The following MOB3B variants were observed in gnomAD, a reference collection of about 807,000 sequenced individuals.
The protein encoded by MOB3B is MOB kinase activator-like 2B.
MOB3B carries 7 observed loss-of-function variants against 18.7 expected under a neutral mutation model. The ratio of observed to expected loss-of-function variants is 0.37; its 90% CI spans 0.21 to 0.70. The LOEUF (loss-of-function observed/expected upper bound fraction) is 0.70, where lower values mean the gene tolerates loss of function less well. MOB3B is among the 30% of genes least tolerant of loss of function. The pLI is 0.52. For missense variants in MOB3B, 253 were observed against 281.3 expected (o/e 0.90, Z 0.72); for synonymous variants, 111 against 99.9 (o/e 1.11, Z -0.66).
intron 1 of MOB3B, among the ~76,000 whole-genome samples, chr9:27,518,594 C>T (rs933668561): frequency 6.6e-6 from 1 of 152,146 alleles, no homozygotes; most frequent in African/African-American, 2.4e-5. Flanking sequence ...ATCAGGGATT[C>T]TTTTCCAACA....
chr9:27,370,476 C>T (rs1054651613), intron 2 of MOB3B, among the ~76,000 whole-genome samples: 3 of 149,968 alleles, frequency 2.0e-5, no homozygotes, highest in Admixed American at 6.6e-5. Flanking sequence ...CCATTGCACT[C>T]CAGACTGGGC....
intron 2 of MOB3B, among the ~76,000 whole-genome samples, chr9:27,431,170 A>T (rs1317310225): frequency 6.6e-6 from 1 of 152,206 alleles, no homozygotes; most frequent in African/African-American, 2.4e-5. Flanking sequence ...TTATATTCTC[A>T]AAGGAGGAGA....
chr9:27,429,774 G>A (rs1043626761), intron 2 of MOB3B, among the ~76,000 whole-genome samples: 5 of 152,166 alleles, frequency 3.3e-5, no homozygotes, highest in South Asian at 2.1e-4. Flanking sequence ...TCAAGGTCAC[G>A]AACTTGGAAG....
chr9:27,344,921 G>A (rs1368020487), intron 3 of MOB3B, among the ~76,000 whole-genome samples: 1 of 152,192 alleles, frequency 6.6e-6, no homozygotes, highest in Non-Finnish European at 1.5e-5. Flanking sequence ...TTACAGTCTC[G>A]GCCTGGCCGC....
intron 1 of MOB3B, among the ~76,000 whole-genome samples, chr9:27,492,012 C>T (rs1051535938): frequency 1.3e-5 from 2 of 152,238 alleles, no homozygotes; most frequent in Admixed American, 6.5e-5. Flanking sequence ...ACTCACTTCG[C>T]TGCTCAAATT....
At position 27,359,211 on chromosome 9, in the gene MOB3B, A is replaced by G. The variant is rs1821237066; in HGVS notation, c.444T>C (p.Leu148=). The G allele has an allele frequency of 6.2e-7, 1 of 1,614,168 alleles. No homozygotes were observed. Among genetic ancestry groups the G allele is most frequent in the Non-Finnish European group, 8.5e-7 (1 of 1,180,026 alleles). Residue 148 remains leucine (L), a synonymous_variant, in exon 3 of 4, where the codon CTT becomes CTC. Transcript: ENST00000262244. The part of the protein sequence containing the change: ...CVGVPFPKNF[L]QICKKILCRL... ...GGCACAGGATCTTCTTGCAGATCTG[A>G]AGGAAGTTCTTTGGGAAGGGAACAC...
chr9:27,455,851 T>A, intron 1 of MOB3B, 103 bp from the exon 2 acceptor site: 1 of 1,204,168 alleles, frequency 8.3e-7, no homozygotes, highest in East Asian at 3.9e-5. Context: ...CTGTGCCCAC[T>A]CTCCATCCAG....
intron 1 of MOB3B, chr9:27,524,858 A>C (rs1385984208): frequency 6.2e-7 from 1 of 1,614,146 alleles, no homozygotes. Context: ...ATTTCCTGAA[A>C]GAAAAGAAAT....
At chr9:27,505,694 C>A (rs1820047797) in intron 1 of MOB3B, among the ~76,000 whole-genome samples, 1 of 152,182 alleles carries the variant, frequency 6.6e-6, no homozygotes, top group Non-Finnish European at 1.5e-5. Flanking sequence ...AGCTGTCTTA[C>A]CAGAATTATA....
intron 2 of MOB3B, among the ~76,000 whole-genome samples, chr9:27,423,203 C>A (rs1021750262): frequency 6.6e-6 from 1 of 152,150 alleles, no homozygotes; most frequent in East Asian, 1.9e-4. Flanking sequence ...GTTTTCTCAT[C>A]TGCAAATTGA....
chr9:27,366,589 C>T (rs1363653358), intron 2 of MOB3B, among the ~76,000 whole-genome samples: 1 of 152,144 alleles, frequency 6.6e-6, no homozygotes, highest in Non-Finnish European at 1.5e-5. Context: ...TGACGAAGGT[C>T]CAGGAGACTG....
At chr9:27,385,694 G>A (rs925243046) in intron 2 of MOB3B, among the ~76,000 whole-genome samples, 5 of 152,242 alleles carry the variant, frequency 3.3e-5, no homozygotes, top group Non-Finnish European at 5.9e-5. Context: ...CATGCAAAGA[G>A]AGATGCCAAT....
intron 2 of MOB3B, among the ~76,000 whole-genome samples, chr9:27,382,717 G>GATATATATATATATATAT (rs57101091): frequency 6.8e-6 from 1 of 147,952 alleles, no homozygotes; most frequent in Non-Finnish European, 1.5e-5. Flanking sequence ...AGGTGAAGGT[G>GATATATATATATATATAT]ATATATATAT....
intron 2 of MOB3B, among the ~76,000 whole-genome samples, chr9:27,431,645 C>G (rs1587208767): frequency 6.6e-6 from 1 of 152,352 alleles, no homozygotes; most frequent in East Asian, 1.9e-4. Context: ...ACTCTATCTT[C>G]TTTCAGGTCC....
At chr9:27,419,502 A>G (rs1009999413) in intron 2 of MOB3B, among the ~76,000 whole-genome samples, 15 of 152,162 alleles carry the variant, frequency 9.9e-5, no homozygotes, top group African/African-American at 2.9e-4. Context: ...ATGAACCCAA[A>G]TACTTACAGC....
At chr9:27,452,151 T>C (rs1005961657) in intron 2 of MOB3B, among the ~76,000 whole-genome samples, 12 of 152,224 alleles carry the variant, frequency 7.9e-5, no homozygotes, top group Non-Finnish European at 1.8e-4. Flanking sequence ...GAATCATCCA[T>C]GTGCTGGGCC....
At chr9:27,360,576 T>C (rs1294358552) in intron 2 of MOB3B, among the ~76,000 whole-genome samples, 1 of 152,166 alleles carries the variant, frequency 6.6e-6, no homozygotes, top group Non-Finnish European at 1.5e-5. Context: ...AAATGACCAC[T>C]AGCCTTTCAG....
Position 27,330,109 on chromosome 9 carries a change from C to T in MOB3B, c.*478G>A, listed in dbSNP as rs1181873348. On this transcript the variant is annotated 3_prime_UTR_variant, in exon 4 of 4. Coordinates refer to ENST00000262244, the MANE Select transcript of MOB3B (RefSeq NM_024761.5). ...AGCTTTTAGAGACCTGAAAGGAAGG[C>T]TTATTGCATAAAAACTTGCTGCACA... The T allele has an allele frequency of 6.2e-6, 1 of 160,492 alleles. No homozygotes were observed. Among genetic ancestry groups the T allele is most frequent in the African/African-American group, 2.4e-5 (1 of 41,574 alleles). The allele number at this position is 160,492 out of a possible 1,614,324, so 9.9% of individuals were successfully genotyped here.
intron 2 of MOB3B, among the ~76,000 whole-genome samples, chr9:27,411,897 G>A (rs1427133198): frequency 6.6e-6 from 1 of 152,164 alleles, no homozygotes. Flanking sequence ...ACTAATGCAA[G>A]GTTCTAATAA....
Sources: gnomAD v4.1 joint callset for allele counts (sites outside exome capture counted in the v4.1 genomes callset) on GRCh38, gnomAD v4.1.1 for gene constraint, MANE v1.5 for transcripts, NCBI Gene and HGNC (gene_info 2026-07-23, HGNC 2026-07-21) for gene names.